The following SLC35F4 variants were observed in gnomAD, a reference collection of about 807,000 sequenced individuals.
SLC35F4 encodes solute carrier family 35 member F4.
Under a neutral mutation model 44.2 loss-of-function variants are expected in SLC35F4, and 24 were observed. The observed-to-expected ratio is 0.54, with a 90% CI of 0.39 to 0.76. The LOEUF is 0.76. SLC35F4 is among the 30% of genes least tolerant of loss of function. The probability of loss-of-function intolerance (pLI) is 0.00; values close to 1 mark genes in which losing one functional copy is unlikely to be tolerated. For missense variants in SLC35F4, 562 were observed against 586.1 expected, an observed-to-expected ratio of 0.96 and a Z score of 0.42; for synonymous variants, 238 against 223.6, an observed-to-expected ratio of 1.06 and a Z score of -0.57.
At chr14:57,838,578 A>T (rs1885174405) in intron 1 of SLC35F4, among the ~76,000 whole-genome samples, 1 of 152,228 alleles carries the variant, frequency 6.6e-6, no homozygotes, top group African/African-American at 2.4e-5. Flanking sequence ...GTTTAAATAC[A>T]GTCTAGCTGA....
At chr14:57,939,717 C>A (rs904236715) in intron 1 of SLC35F4, among the ~76,000 whole-genome samples, 2 of 152,196 alleles carry the variant, frequency 1.3e-5, no homozygotes, top group Admixed American at 1.3e-4. Flanking sequence ...ACAGTTAAAT[C>A]ATTTTCCCCA....
At chr14:57,615,355 C>CCTTT (rs10640301) in intron 1 of SLC35F4, among the ~76,000 whole-genome samples, 99,993 of 149,662 alleles carry the variant, frequency 0.67, 33,918 homozygotes, top group Non-Finnish European at 0.74. Flanking sequence ...CAAACATTTT[C>CCTTT]CTTTTTTTTT....
At chr14:57,964,252 C>T (rs1890392676) in intron 1 of SLC35F4, among the ~76,000 whole-genome samples, 1 of 152,076 alleles carries the variant, frequency 6.6e-6, no homozygotes, top group Non-Finnish European at 1.5e-5. Context: ...AAGGATCACC[C>T]ACTTGTAACA....
At position 57,826,547 on chromosome 14, in the gene SLC35F4, A is replaced by G. The variant is rs528175293; in HGVS notation, c.103+39176T>C. On this transcript the variant is annotated intron_variant, in intron 1 of 7. Transcript: ENST00000556826. ...TTAAACTAAAGAGCTACATAGCAAA[A>G]GAAACTATCATCAGAGTAAACAGAC... Among the ~76,000 whole-genome samples, 27 of 152,330 alleles carry G rather than the reference A, an allele frequency of 1.8e-4. No individual in the cohort carries two copies. In the South Asian group the frequency reaches 5.4e-3, roughly 30 times the overall value.
chr14:57,642,661 T>C (rs1179348221), intron 1 of SLC35F4, among the ~76,000 whole-genome samples: 1 of 151,950 alleles, frequency 6.6e-6, no homozygotes, highest in African/African-American at 2.4e-5. Flanking sequence ...CTCTGGATGG[T>C]TGTCTAAAAT....
intron 1 of SLC35F4, among the ~76,000 whole-genome samples, chr14:57,916,576 C>T (rs1005257973): frequency 5.3e-5 from 8 of 152,072 alleles, no homozygotes; most frequent in Admixed American, 5.2e-4. Flanking sequence ...TCTTCTGTTC[C>T]TTTCTCCCCT....
chr14:57,944,061 A>G (rs185047366), intron 1 of SLC35F4, among the ~76,000 whole-genome samples: 7 of 149,502 alleles, frequency 4.7e-5, no homozygotes, highest in Admixed American at 1.3e-4. Context: ...GAACCCAGTC[A>G]TTGTCCTCCA....
intron 1 of SLC35F4, among the ~76,000 whole-genome samples, chr14:57,669,758 T>C (rs974674924): frequency 3.3e-5 from 5 of 152,064 alleles, no homozygotes; most frequent in South Asian, 2.1e-4. Context: ...GATTTTTGCA[T>C]CAATGTTCAC....
At chr14:57,772,093 A>G (rs2077378531) in intron 1 of SLC35F4, among the ~76,000 whole-genome samples, 1 of 152,238 alleles carries the variant, frequency 6.6e-6, no homozygotes, top group Non-Finnish European at 1.5e-5. Flanking sequence ...GTGAAGCAAC[A>G]TCAAAAAAAT....
intron 1 of SLC35F4, among the ~76,000 whole-genome samples, chr14:57,777,266 C>G (rs2077511523): frequency 6.6e-6 from 1 of 152,198 alleles, no homozygotes. Context: ...ACCCAGCCAT[C>G]CCATTACTGG....
At chr14:57,820,956 C>G (rs1467798104) in intron 1 of SLC35F4, among the ~76,000 whole-genome samples, 1 of 152,198 alleles carries the variant, frequency 6.6e-6, no homozygotes, top group Non-Finnish European at 1.5e-5. Context: ...GCTTATAAAA[C>G]ACCTATTCTT....
At chr14:57,714,077 A>G (rs2075876466) in intron 1 of SLC35F4, among the ~76,000 whole-genome samples, 1 of 152,228 alleles carries the variant, frequency 6.6e-6, no homozygotes. Flanking sequence ...TTTATATATG[A>G]CATGACATTT....
intron 1 of SLC35F4, among the ~76,000 whole-genome samples, chr14:57,910,210 G>A (rs933420594): frequency 4.0e-5 from 6 of 151,712 alleles, no homozygotes; most frequent in African/African-American, 1.2e-4. Context: ...GTCCTGTATC[G>A]GATGTGTCTT....
chr14:57,883,057 G>A (rs1221559746), intron 1 of SLC35F4, among the ~76,000 whole-genome samples: 2 of 151,752 alleles, frequency 1.3e-5, no homozygotes, highest in Non-Finnish European at 2.9e-5. Flanking sequence ...GGGGAGGGGA[G>A]GAGGAGGAGG....
chr14:57,564,875 C>G (rs2068127242), intron 7 of SLC35F4, among the ~76,000 whole-genome samples: 2 of 152,172 alleles, frequency 1.3e-5, no homozygotes, highest in Admixed American at 1.3e-4. Flanking sequence ...AAATAAAAGC[C>G]CATACCCATT....
chr14:57,919,741 A>G (rs1397773200), intron 1 of SLC35F4, among the ~76,000 whole-genome samples: 4 of 152,220 alleles, frequency 2.6e-5, no homozygotes, highest in South Asian at 2.1e-4. Flanking sequence ...GAGAAGGCCA[A>G]TGGGAAGCCC....
intron 1 of SLC35F4, among the ~76,000 whole-genome samples, chr14:57,670,241 C>T (rs937473417): frequency 1.3e-5 from 2 of 151,970 alleles, no homozygotes; most frequent in African/African-American, 4.8e-5. Context: ...ATTAGTCTTG[C>T]TAGCAGTCTA....
intron 1 of SLC35F4, among the ~76,000 whole-genome samples, chr14:57,969,305 C>T (rs1020951535): frequency 6.6e-6 from 1 of 152,188 alleles, no homozygotes; most frequent in Non-Finnish European, 1.5e-5. Flanking sequence ...GCAAGAACTG[C>T]ATGTTTATTT....
In SLC35F4 at chr14:57,865,962, C is replaced by A. The variant is rs1948072258; in HGVS notation, c.-137G>T. The A allele has an allele frequency of 1.5e-4, 75 of 499,504 alleles. 3 individuals are homozygous for A. In the South Asian group the frequency reaches 2.1e-3, roughly 14 times the overall value. The allele number at this position is 499,504 out of a possible 1,614,324, so 30.9% of individuals were successfully genotyped here. ...CCGCGCCCGGGCTCTGACTCCACCG[C>A]CCGGCGCAGCACCGGCTCCGCATCA... On this transcript the variant is annotated 5_prime_UTR_variant, in exon 1 of 8. Coordinates refer to ENST00000556826, the MANE Select transcript of SLC35F4 (RefSeq NM_001306087.2).
Sources: allele counts gnomAD v4.1 joint callset (sites outside exome capture counted in the v4.1 genomes callset), GRCh38; gene constraint gnomAD v4.1.1; transcripts MANE v1.5; gene names NCBI Gene and HGNC (gene_info 2026-07-23, HGNC 2026-07-21).